Variants in MACROD2 observed in about 807,000 individuals in gnomAD.
The protein encoded by MACROD2 is mono-ADP ribosylhydrolase 2.
In MACROD2, 36 loss-of-function variants were observed where a neutral mutation model predicts 70.4. The ratio of observed to expected loss-of-function variants is 0.51; its 90% CI spans 0.39 to 0.68. The LOEUF (loss-of-function observed/expected upper bound fraction) is 0.68. Among genes scored for constraint, MACROD2 ranks in the 30% least tolerant of loss-of-function variants. MACROD2 has a pLI of 0.00. For synonymous variants in MACROD2, 172 were observed against 178.8 expected (o/e 0.96, Z 0.30); for missense variants, 496 against 538.4 (o/e 0.92, Z 0.78).
intron 5 of MACROD2, among the ~76,000 whole-genome samples, chr20:14,762,812 C>T (rs1173771518): frequency 6.6e-6 from 1 of 151,964 alleles, no homozygotes; most frequent in Non-Finnish European, 1.5e-5. Flanking sequence ...CATCTGTAGT[C>T]CCAGCTACTG....
chr20:16,013,983 C>A (rs569900120), intron 15 of MACROD2, among the ~76,000 whole-genome samples: 2 of 152,324 alleles, frequency 1.3e-5, no homozygotes, highest in South Asian at 4.1e-4. Flanking sequence ...ACTGGTTCCA[C>A]ATTTTTAACT....
intron 12 of MACROD2, among the ~76,000 whole-genome samples, chr20:15,967,218 C>T (rs1268861099): frequency 6.6e-6 from 1 of 152,066 alleles, no homozygotes; most frequent in African/African-American, 2.4e-5. Flanking sequence ...TTAGATAGTC[C>T]TTTAATCTTC....
At position 14,587,589 on chromosome 20, in the gene MACROD2, C is replaced by T. The variant is rs540203583; in HGVS notation, c.301+94081C>T. ...GATTTATTTTTATTTCTAGGTTATG[C>T]AGAGGAGAAATGATTGTTTTATTAA... On this transcript the variant is annotated intron_variant, in intron 4 of 17. Transcript: ENST00000684519. Among the ~76,000 whole-genome samples the T allele has an allele frequency of 3.3e-5, 5 of 151,764 alleles. No homozygotes were observed. In the South Asian group the frequency reaches 1.0e-3, roughly 32 times the overall value.
chr20:15,106,295 A>G (rs1398436914), intron 5 of MACROD2, among the ~76,000 whole-genome samples: 1 of 152,144 alleles, frequency 6.6e-6, no homozygotes, highest in African/African-American at 2.4e-5. Context: ...AGTGGCATCA[A>G]TTTTAAGATG....
chr20:15,131,287 A>G (rs573867682), intron 5 of MACROD2, among the ~76,000 whole-genome samples: 1 of 152,228 alleles, frequency 6.6e-6, no homozygotes, highest in South Asian at 2.1e-4. Flanking sequence ...GGGGAGAAAA[A>G]TGTGGGTATA....
Position 14,215,316 on chromosome 20 carries a change from A to G in MACROD2, c.271+129588A>G, listed in dbSNP as rs544271107. ...CCATCATATATATATGTTCCATCATATATATCTATGCCATCATATATACAC... is the reference window on the plus strand; with the variant it reads ...CCATCATATATATATGTTCCATCATGTATATCTATGCCATCATATATACAC... On this transcript the variant is annotated intron_variant, in intron 3 of 17. Transcript: ENST00000684519. 2.7e-5 allele frequency among the ~76,000 whole-genome samples: 4 copies of G among 147,150 alleles called. No individual in the cohort carries two copies. The East Asian group carries it at 8.0e-4, about 30-fold the overall frequency.
chr20:14,319,990 A>G (rs553215454), intron 3 of MACROD2, among the ~76,000 whole-genome samples: 10 of 152,280 alleles, frequency 6.6e-5, no homozygotes, highest in African/African-American at 2.2e-4. Flanking sequence ...TTCTGTAGAC[A>G]TGTCCAGAGG....
intron 6 of MACROD2, among the ~76,000 whole-genome samples, chr20:15,282,550 G>C (rs1405559724): frequency 2.0e-5 from 3 of 152,084 alleles, no homozygotes; most frequent in Non-Finnish European, 4.4e-5. Flanking sequence ...GAAATTTCTG[G>C]GGCAGAGGCA....
chr20:15,232,300 G>A (rs1234926002), intron 6 of MACROD2, among the ~76,000 whole-genome samples: 1 of 151,968 alleles, frequency 6.6e-6, no homozygotes, highest in Non-Finnish European at 1.5e-5. Flanking sequence ...TGGTAGACAT[G>A]GTTGATATAA....
chr20:15,144,018 G>C (rs1470674587), intron 5 of MACROD2, among the ~76,000 whole-genome samples: 1 of 151,758 alleles, frequency 6.6e-6, no homozygotes, highest in Non-Finnish European at 1.5e-5. Context: ...GTGTTGTGCT[G>C]CATTAAAAGC....
chr20:15,280,911 G>A (rs1421033502), intron 6 of MACROD2: 1 of 152,190 alleles, frequency 6.6e-6, no homozygotes, highest in Non-Finnish European at 1.5e-5. Context: ...CAATACCTAA[G>A]ACTGGGTAAT....
At chr20:15,906,901 C>T (rs2065156301) in intron 10 of MACROD2, among the ~76,000 whole-genome samples, 1 of 152,182 alleles carries the variant, frequency 6.6e-6, no homozygotes. Flanking sequence ...TATTCACTCG[C>T]TTTGATTACT....
At chr20:15,801,693 T>A (rs759331807) in intron 8 of MACROD2, among the ~76,000 whole-genome samples, 3 of 152,154 alleles carry the variant, frequency 2.0e-5, no homozygotes, top group Non-Finnish European at 4.4e-5. Context: ...GGGTCTTTTG[T>A]GGTCCTATAT....
chr20:14,117,175 T>C (rs75428901), intron 3 of MACROD2, among the ~76,000 whole-genome samples: 4,039 of 152,324 alleles, frequency 0.027, 53 homozygotes, highest in Non-Finnish European at 0.032. Flanking sequence ...GCTTTATCTT[T>C]CTATTGAATT....
At chr20:15,586,869 G>T (rs1323717291) in intron 8 of MACROD2, among the ~76,000 whole-genome samples, 3 of 150,650 alleles carry the variant, frequency 2.0e-5, no homozygotes, top group African/African-American at 7.4e-5. Context: ...AAAGAATATA[G>T]CATATTTTAA....
chr20:14,240,062 G>A (rs2081915112), intron 3 of MACROD2, among the ~76,000 whole-genome samples: 1 of 152,288 alleles, frequency 6.6e-6, no homozygotes, highest in Middle Eastern at 3.4e-3. Context: ...AGACTTACAT[G>A]TGGTTAAGAA....
intron 1 of MACROD2, among the ~76,000 whole-genome samples, chr20:13,998,693 C>A (rs1569107217): frequency 6.6e-6 from 1 of 152,114 alleles, no homozygotes; most frequent in Non-Finnish European, 1.5e-5. Context: ...CGGTGGCTCA[C>A]ACCTGTAATC....
intron 8 of MACROD2, among the ~76,000 whole-genome samples, chr20:15,512,800 A>T (rs545706001): frequency 6.6e-6 from 1 of 152,158 alleles, no homozygotes; most frequent in South Asian, 2.1e-4. Context: ...AGGAAATGAA[A>T]CTCTATATTA....
At chr20:14,108,902 A>G (rs561474842) in intron 3 of MACROD2, among the ~76,000 whole-genome samples, 5 of 152,216 alleles carry the variant, frequency 3.3e-5, no homozygotes, top group South Asian at 4.1e-4. Context: ...AACCCGCACT[A>G]TAGACCAAAT....
Sources: allele counts gnomAD v4.1 joint callset (sites outside exome capture counted in the v4.1 genomes callset), GRCh38; gene constraint gnomAD v4.1.1; transcripts MANE v1.5; gene names NCBI Gene and HGNC (gene_info 2026-07-23, HGNC 2026-07-21).